Variants in SETDB2 observed in about 807,000 individuals in gnomAD.
SETDB2 encodes SET domain bifurcated histone lysine methyltransferase 2.
In SETDB2, 56 loss-of-function variants were observed where a neutral mutation model predicts 82.5. That is an observed-to-expected ratio of 0.68 (90% confidence interval 0.55 to 0.85). The LOEUF is 0.85. Ranked by LOEUF, SETDB2 falls within the 40% of genes least tolerant of loss-of-function variation. The pLI, the probability that SETDB2 is intolerant of heterozygous loss-of-function variation, is 0.00. For missense variants in SETDB2, 677 were observed against 816.4 expected, an observed-to-expected ratio of 0.83 and a Z score of 2.08; for synonymous variants, 272 against 284.9, an observed-to-expected ratio of 0.95 and a Z score of 0.46.
intron 5 of SETDB2, 132 bp downstream of exon 5, chr13:49,468,092 T>G: frequency 2.0e-6 from 1 of 496,800 alleles, no homozygotes; most frequent in Non-Finnish European, 3.4e-6. Flanking sequence ...TTGTATATTT[T>G]AGTATTTTAT....
At chr13:49,477,747 A>G (rs1250322610) in intron 6 of SETDB2, among the ~76,000 whole-genome samples, 1 of 152,222 alleles carries the variant, frequency 6.6e-6, no homozygotes, top group African/African-American at 2.4e-5. Context: ...AGAGAAGTCA[A>G]TTTGGAGAGG....
At chr13:49,461,792 A>G (rs1957998465) in intron 4 of SETDB2, among the ~76,000 whole-genome samples, 1 of 152,124 alleles carries the variant, frequency 6.6e-6, no homozygotes, top group Non-Finnish European at 1.5e-5. Flanking sequence ...ATTCCCACCA[A>G]CTTGCTCCCA....
In SETDB2 at chr13:49,476,771, G is replaced by C; in HGVS notation, c.601G>C (p.Glu201Gln). ...AGTTTTTCGTTACCTGCTTGAGACA[G>C]AGTGTAACTTTTTATTTACAGATAA... ...EEVFRYLLET[E>Q]CNFLFTDNFS... is the part of the protein sequence containing the mutation. Residue 201 changes from glutamate to glutamine, a missense_variant, in exon 6 of 14, where the codon GAG becomes CAG. Around this residue, in one of 3 missense-constraint regions of SETDB2, gnomAD observed 243 missense variants for 237.2 expected, o/e 1.02. Transcript: ENST00000611815. 1.2e-6 allele frequency: 2 copies of C among 1,613,914 alleles called. No homozygotes were observed. The highest frequency in any genetic ancestry group is 1.7e-6 in the Non-Finnish European group (2 of 1,179,868).
At chr13:49,479,320 A>T (rs1958431518) in intron 6 of SETDB2, among the ~76,000 whole-genome samples, 1 of 152,204 alleles carries the variant, frequency 6.6e-6, no homozygotes, top group Admixed American at 6.5e-5. Context: ...TGGTGGAAAT[A>T]TGGGTGTTTA....
chr13:49,451,478 C>CATATATATATATAT (rs57949515), intron 1 of SETDB2, 75 bp from the exon 2 acceptor site: 9 of 140,484 alleles, frequency 6.4e-5, no homozygotes, highest in Admixed American at 2.9e-4. Context: ...CTTATATATA[C>CATATATATATATAT]ATATATATAT....
rs776751266 is a variant in SETDB2 at position 49,480,981 on chromosome 13, C to A, written c.1021C>A (p.Arg341=). ...YECSLLCKCN[R]QLCQNRVVQH... ...ATGCAGCCTTTTGTGCAAATGTAAT[C>A]GACAATTGTGTCAAAACCGAGTTGT... is the stretch of plus-strand genomic sequence containing the variant. The change falls in exon 8 of 14, where the codon CGA becomes AGA. Residue 341 remains arginine (R), a synonymous_variant. Transcript: ENST00000611815. The A allele has an allele frequency of 1.1e-5, 18 of 1,613,936 alleles. No individual in the cohort carries two copies. Among genetic ancestry groups the A allele is most frequent in the African/African-American group, 1.3e-5 (1 of 74,890 alleles).
Position 49,461,099 on chromosome 13 carries a change from T to C in SETDB2, c.145T>C (p.Tyr49His), listed in dbSNP as rs778266451. ...IKDGSATNKE[Y>H]IQAMILVNEA... ...TGCTGTTTTTCTGTCTTTAACAGAA[T>C]ACATCCAAGCAATGATTCTAGTGAA... Residue 49 changes from tyrosine to histidine, a missense_variant and splice_region_variant, in exon 4 of 14, where the codon TAC (tyrosine) becomes CAC (histidine). Coordinates refer to ENST00000611815, the MANE Select transcript of SETDB2 (RefSeq NM_001160308.3). 16 of 1,610,920 alleles carry C rather than the reference T, an allele frequency of 9.9e-6. No individual in the cohort carries two copies. Among genetic ancestry groups the C allele is most frequent in the African/African-American group, 5.3e-5 (4 of 74,858 alleles).
chr13:49,476,466 A>AT lies in SETDB2; in HGVS notation c.306-6dup. The AT allele has an allele frequency of 6.6e-7, 1 of 1,511,398 alleles. No homozygotes were observed. Among genetic ancestry groups the AT allele is most frequent in the Non-Finnish European group, 9.0e-7 (1 of 1,117,220 alleles). 93.6% of individuals were successfully genotyped at this position (1,511,398 alleles called of 1,614,324 possible). ...AATTTGAGATACTAATGAATAATTT[A>AT]TTTTAACAGAACAACAGAAAATAAG... On this transcript the variant is annotated splice_polypyrimidine_tract_variant and intron_variant, in intron 5 of 13. Transcript: ENST00000611815.
intron 4 of SETDB2, among the ~76,000 whole-genome samples, chr13:49,466,831 T>TC (rs1958124859): frequency 6.8e-6 from 1 of 147,904 alleles, no homozygotes; most frequent in African/African-American, 2.5e-5. Flanking sequence ...TTTTTTTTTT[T>TC]CTGTCGTAGA....
chr13:49,488,127 C>A (rs918201215), intron 11 of SETDB2, 163 bp from the exon 12 acceptor site: 1 of 668,998 alleles, frequency 1.5e-6, no homozygotes, highest in Admixed American at 6.3e-5. Flanking sequence ...ATTCCTTAAT[C>A]CCTCAGAGAA....
At chr13:49,464,958 C>T (rs1958072446) in intron 4 of SETDB2, among the ~76,000 whole-genome samples, 1 of 151,298 alleles carries the variant, frequency 6.6e-6, no homozygotes, top group Non-Finnish European at 1.5e-5. Flanking sequence ...TCCAGGTACT[C>T]AAGAGGCTGC....
At chr13:49,463,486 C>T (rs1295987310) in intron 4 of SETDB2, among the ~76,000 whole-genome samples, 1 of 152,104 alleles carries the variant, frequency 6.6e-6, no homozygotes, top group Non-Finnish European at 1.5e-5. Flanking sequence ...GTGGGCTAGC[C>T]TGAAACAAGC....
Position 49,488,352 on chromosome 13 carries a change from A to G in SETDB2, c.1639A>G (p.Ile547Val). 3.7e-6 allele frequency: 6 copies of G among 1,610,068 alleles called. No homozygotes were observed. The highest frequency in any genetic ancestry group is 5.1e-6 in the Non-Finnish European group (6 of 1,179,112). Residue 547 changes from isoleucine to valine, a missense_variant, in exon 12 of 14, where the codon ATA (isoleucine) becomes GTA (valine). Physicochemically the swap from Ile to Val is conservative, Grantham distance 29 (BLOSUM62 3). Transcript: ENST00000611815. ...EDNLLIESDV[I>V]DITKYREETP... ...TAATCTGCTGATTGAATCAGATGTG[A>G]TAGATATAACTAAATATAGAGAAGA...
At chr13:49,478,940 T>G (rs1438886326) in intron 6 of SETDB2, among the ~76,000 whole-genome samples, 1 of 151,980 alleles carries the variant, frequency 6.6e-6, no homozygotes, top group Non-Finnish European at 1.5e-5. Flanking sequence ...AAAGAAAAAC[T>G]ATGAATTGTA....
At chr13:49,461,238 T>A in intron 4 of SETDB2, 76 bp downstream of exon 4, 1 of 915,776 alleles carries the variant, frequency 1.1e-6, no homozygotes, top group South Asian at 1.9e-5. Flanking sequence ...CTTTAATATG[T>A]TGGGCTAATT....
chr13:49,457,123 G>T (rs1957896688), intron 2 of SETDB2, among the ~76,000 whole-genome samples: 2 of 149,852 alleles, frequency 1.3e-5, no homozygotes, highest in African/African-American at 2.5e-5. Context: ...TCATTTCCAA[G>T]ATTGATCATT....
rs1438891654 is a variant in SETDB2, at chr13:49,485,521, G to A, written c.1483-109G>A. The A allele has an allele frequency of 1.5e-5, 12 of 818,644 alleles. No individual in the cohort carries two copies. The Middle Eastern group carries it at 9.4e-4, about 64-fold the overall frequency. The allele number at this position is 818,644 out of a possible 1,614,324, so 50.7% of individuals were successfully genotyped here. On this transcript the variant is annotated intron_variant, in intron 10 of 13. Coordinates refer to ENST00000611815, the MANE Select transcript of SETDB2 (RefSeq NM_001160308.3). ...TATCAGCTTTGAGGCTTTTCAAAACGAATCTAGTACATATAGCCTATGATG... is the reference window on the plus strand; with the variant it reads ...TATCAGCTTTGAGGCTTTTCAAAACAAATCTAGTACATATAGCCTATGATG...
chr13:49,485,579 A>C lies in SETDB2; in HGVS notation c.1483-51A>C, dbSNP rs1958582093. The C allele has an allele frequency of 3.4e-6, 5 of 1,458,810 alleles. No homozygotes were observed. In the South Asian group the frequency reaches 5.9e-5, roughly 17 times the overall value. The allele number at this position is 1,458,810 out of a possible 1,614,324, so 90.4% of individuals were successfully genotyped here. A position where few individuals can be genotyped will look rare whatever the true frequency, so the allele number is the denominator to read the frequency against. On this transcript the variant is annotated intron_variant, in intron 10 of 13. Coordinates refer to ENST00000611815, the MANE Select transcript of SETDB2 (RefSeq NM_001160308.3). ...CTTGATGAAAGAGGCCTAACTGCTA[A>C]ATACTTTTGCCTGACCTGGAAAGTA...
rs1379668541 is a variant in SETDB2, at chr13:49,491,796, A to T, written c.2071A>T (p.Lys691Ter). ...YGYEAGTVPEKEIFCQCGVNK... is the reference protein window; with the variant it reads ...YGYEAGTVPE Reference sequence around the variant, plus strand: ...CTATGAAGCTGGGACTGTGCCTGAGAAGGAAATCTTCTGCCAATGTGGGGT... The same window carrying T: ...CTATGAAGCTGGGACTGTGCCTGAGTAGGAAATCTTCTGCCAATGTGGGGT... The change falls in exon 14 of 14, where the codon AAG becomes TAG. Residue 691 changes from lysine (K) to a stop codon, truncating the protein, a stop_gained. Transcript: ENST00000611815. LOFTEE classifies it high-confidence loss of function. 1.9e-6 allele frequency: 3 copies of T among 1,613,408 alleles called. No homozygotes were observed. The highest frequency in any genetic ancestry group is 2.5e-6 in the Non-Finnish European group (3 of 1,179,834).
Sources: gnomAD v4.1 joint callset for allele counts (sites outside exome capture counted in the v4.1 genomes callset) on GRCh38, gnomAD v4.1.1 for gene constraint, gnomAD v4.1.1 regional missense constraint, MANE v1.5 for transcripts, NCBI Gene and HGNC (gene_info 2026-07-23, HGNC 2026-07-21) for gene names.